The following BOLL variants were observed in gnomAD, a reference collection of about 807,000 sequenced individuals.
BOLL encodes the protein boule RNA binding protein.
Under a neutral mutation model 44.4 loss-of-function variants are expected in BOLL, and 23 were observed. The ratio of observed to expected loss-of-function variants is 0.52; its 90% CI spans 0.37 to 0.73. The LOEUF is 0.73. Ranked by LOEUF, BOLL falls within the 30% of genes least tolerant of loss-of-function variation. BOLL has a pLI of 0.00. For synonymous variants in BOLL, 97 were observed against 110.8 expected, an observed-to-expected ratio of 0.88 and a Z score of 0.78; for missense variants, 287 against 338.3, an observed-to-expected ratio of 0.85 and a Z score of 1.19.
chr2:197,774,761 G>C (rs1005906976), intron 5 of BOLL: 4 of 151,826 alleles, frequency 2.6e-5, no homozygotes, highest in African/African-American at 9.7e-5. Context: ...ACCTACTGAG[G>C]ATACTTTGAT....
chr2:197,779,419 T>C (rs752473524), intron 2 of BOLL, among the ~76,000 whole-genome samples: 8 of 151,976 alleles, frequency 5.3e-5, no homozygotes, highest in Admixed American at 1.3e-4. Context: ...AAGGGTACAA[T>C]ACTATTTTGG....
chr2:197,756,674 G>A, intron 8 of BOLL, 118 bp from the exon 9 acceptor site: 1 of 937,806 alleles, frequency 1.1e-6, no homozygotes, highest in African/African-American at 1.7e-5. Flanking sequence ...TTTTTTTTTA[G>A]GAATAGCACA....
intron 8 of BOLL, 87 bp from the exon 9 acceptor site, chr2:197,756,643 C>G (rs1400275823): frequency 7.7e-7 from 1 of 1,294,072 alleles, no homozygotes; most frequent in South Asian, 1.8e-5. Flanking sequence ...GAGAGAAGTA[C>G]TTGTTTTTTA....
At chr2:197,772,556 T>C (rs952813219) in intron 5 of BOLL, among the ~76,000 whole-genome samples, 1 of 152,014 alleles carries the variant, frequency 6.6e-6, no homozygotes, top group African/African-American at 2.4e-5. Flanking sequence ...CTCTTTTCTA[T>C]GATCTATTCT....
intron 7 of BOLL, among the ~76,000 whole-genome samples, chr2:197,765,036 G>T (rs1361545541): frequency 6.6e-6 from 1 of 151,996 alleles, no homozygotes; most frequent in Non-Finnish European, 1.5e-5. Context: ...AGGAGGAATA[G>T]GGAGAGGTTT....
At chr2:197,742,672 G>A (rs1206133821) in intron 10 of BOLL, among the ~76,000 whole-genome samples, 2 of 152,046 alleles carry the variant, frequency 1.3e-5, no homozygotes, top group African/African-American at 4.8e-5. Flanking sequence ...TGTGGGGTGG[G>A]GGGAGTGGGG....
intron 9 of BOLL, among the ~76,000 whole-genome samples, chr2:197,745,238 T>C (rs1336516898): frequency 1.3e-5 from 2 of 152,218 alleles, no homozygotes; most frequent in East Asian, 3.9e-4. Flanking sequence ...ACGGTCACTT[T>C]TTTTTTTAAA....
intron 10 of BOLL, among the ~76,000 whole-genome samples, chr2:197,728,977 A>G (rs1341066753): frequency 6.6e-6 from 1 of 152,204 alleles, no homozygotes; most frequent in Non-Finnish European, 1.5e-5. Context: ...AGGAGCCAAG[A>G]TGGCCGAATA....
At chr2:197,753,622 AAAGTC>A (rs1282286315) in intron 9 of BOLL, among the ~76,000 whole-genome samples, 1 of 152,336 alleles carries the variant, frequency 6.6e-6, no homozygotes, top group African/African-American at 2.4e-5. Context: ...CGATCACTAA[AAAGTC>A]AGGAAACAAC....
At chr2:197,731,848 C>T (rs1293257403) in intron 10 of BOLL, among the ~76,000 whole-genome samples, 1 of 150,614 alleles carries the variant, frequency 6.6e-6, no homozygotes, top group African/African-American at 2.5e-5. Flanking sequence ...ACTAAATGCC[C>T]ACAAGAGAAA....
intron 10 of BOLL, among the ~76,000 whole-genome samples, chr2:197,735,580 GTTC>G: frequency 6.6e-6 from 1 of 152,228 alleles, no homozygotes; most frequent in East Asian, 1.9e-4. Flanking sequence ...CTGTACTGAT[GTTC>G]ATTTCCTGTG....
chr2:197,743,729 A>G (rs557144737), intron 9 of BOLL, among the ~76,000 whole-genome samples: 1 of 152,336 alleles, frequency 6.6e-6, no homozygotes, highest in South Asian at 2.1e-4. Flanking sequence ...ATTTTTAGTA[A>G]TACCTTTTAT....
intron 8 of BOLL, 67 bp from the exon 9 acceptor site, chr2:197,756,623 G>A: frequency 1.4e-6 from 2 of 1,409,114 alleles, no homozygotes; most frequent in South Asian, 1.5e-5. Context: ...AAATGACTTA[G>A]CCAACAGATG....
At chr2:197,733,881 C>G (rs948642773) in intron 10 of BOLL, among the ~76,000 whole-genome samples, 2 of 152,084 alleles carry the variant, frequency 1.3e-5, no homozygotes, top group Non-Finnish European at 2.9e-5. Flanking sequence ...CTAGGCAATA[C>G]CATTCAAGAC....
chr2:197,779,490 A>G (rs1370954925), intron 2 of BOLL, among the ~76,000 whole-genome samples: 2 of 151,908 alleles, frequency 1.3e-5, no homozygotes, highest in Non-Finnish European at 2.9e-5. Flanking sequence ...TACACCAGTC[A>G]TTCTATTTTA....
chr2:197,754,139 G>C (rs200037960), intron 9 of BOLL, among the ~76,000 whole-genome samples: 1 of 152,128 alleles, frequency 6.6e-6, no homozygotes, highest in Non-Finnish European at 1.5e-5. Flanking sequence ...CCTGTCAGGG[G>C]GTCGGGGGCA....
rs746631193 is a variant in BOLL, at chr2:197,727,120, T to G, written c.*1435A>C. On this transcript the variant is annotated 3_prime_UTR_variant, in exon 11 of 11. Coordinates refer to ENST00000392296, the MANE Select transcript of BOLL (RefSeq NM_033030.6). The stretch of plus-strand genomic sequence containing the variant: ...TAAAACTGAGAATAATTAATGTATT[T>G]GAGATCCTTGTATGCTAGTATACAT... 7.2e-5 allele frequency: 11 copies of G among 152,386 alleles called. No homozygotes were observed. Among genetic ancestry groups the G allele is most frequent in the Non-Finnish European group, 1.6e-4 (11 of 68,038 alleles). The allele number at this position is 152,386 out of a possible 1,614,324, so 9.4% of individuals were successfully genotyped here. A position where few individuals can be genotyped will look rare whatever the true frequency, so the allele number is the denominator to read the frequency against.
At chr2:197,733,978 C>T (rs867448868) in intron 10 of BOLL, among the ~76,000 whole-genome samples, 4 of 151,706 alleles carry the variant, frequency 2.6e-5, no homozygotes. Context: ...TAATTAAACT[C>T]AAGAGCTTCT....
chr2:197,750,761 A>G (rs1246492837), intron 9 of BOLL, among the ~76,000 whole-genome samples: 1 of 152,228 alleles, frequency 6.6e-6, no homozygotes, highest in African/African-American at 2.4e-5. Flanking sequence ...TAACAAATAT[A>G]GTCAGGACTT....
Sources: gnomAD v4.1 joint callset for allele counts (sites outside exome capture counted in the v4.1 genomes callset) on GRCh38, gnomAD v4.1.1 for gene constraint, MANE v1.5 for transcripts, NCBI Gene and HGNC (gene_info 2026-07-23, HGNC 2026-07-21) for gene names.